The following APOB variants were observed in gnomAD, a reference collection of about 807,000 sequenced individuals.
APOB encodes apolipoprotein B.
In APOB, 153 loss-of-function variants were observed where a neutral mutation model predicts 314.1. That is an observed-to-expected ratio of 0.49 (90% confidence interval 0.43 to 0.56). The LOEUF is 0.56. Ranked by LOEUF, APOB falls within the 20% of genes least tolerant of loss-of-function variation. APOB has a pLI of 0.00. For missense variants in APOB, 5,430 were observed against 5,350.7 expected (o/e 1.01, Z -0.46); for synonymous variants, 2,087 against 2,036.4 (o/e 1.02, Z -0.67).
rs574693104 is a variant in APOB at position 21,031,206 on chromosome 2, T to C, written c.1352+1148A>G. Among the ~76,000 whole-genome samples the C allele has an allele frequency of 1.3e-3, 202 of 152,226 alleles. 1 individual carries two copies. Among genetic ancestry groups the C allele is most frequent in the Non-Finnish European group, 2.5e-3 (171 of 68,036 alleles). On this transcript the variant is annotated intron_variant, in intron 10 of 28. Coordinates refer to ENST00000233242, the MANE Select transcript of APOB (RefSeq NM_000384.3). The stretch of plus-strand genomic sequence containing the variant: ...AGCAAAGACATGGAATCAACCTAAG[T>C]GTCTATCAATGGACGATTGGATTAA...
In APOB at chr2:21,006,576, G is replaced by A; in HGVS notation, c.10292C>T (p.Ala3431Val). Residue 3431 changes from alanine (A) to valine (V), a missense_variant, in exon 26 of 29, where the codon GCC becomes GTC. Physicochemically the swap from Ala to Val is moderately conservative, Grantham distance 64. Transcript: ENST00000233242. ...ATTCATTCTCAAAATTGGAATTTGG[G>A]CTTTTGTGGTTGTTGCCACTGACAC... Reference protein sequence around the residue: ...MEVSVATTTKAQIPILRMNFK... With the variant: ...MEVSVATTTKVQIPILRMNFK... The A allele has an allele frequency of 1.9e-6, 3 of 1,613,992 alleles. No individual in the cohort carries two copies. The South Asian group carries it at 3.3e-5, about 18-fold the overall frequency.
chr2:21,031,521 G>A (rs996439431), intron 10 of APOB, among the ~76,000 whole-genome samples: 6 of 152,138 alleles, frequency 3.9e-5, no homozygotes, highest in African/African-American at 9.7e-5. Flanking sequence ...CTGGGTGATG[G>A]ATACCCTGAA....
rs751223868 is a variant in APOB, at chr2:21,028,487, T to C, written c.1669A>G (p.Lys557Glu). Residue 557 changes from lysine to glutamate, a missense_variant, in exon 13 of 29, where the codon AAG becomes GAG. Transcript: ENST00000233242. ...TFLDDASPGD[K>E]RLAAYLMLMR... ...AACATAAGATAGGCAGCCAGTCGCT[T>C]ATCTCCCGGAGAAGCATCATCAAGG... 6.2e-7 allele frequency: 1 copy of C among 1,614,052 alleles called. No homozygotes were observed. Among genetic ancestry groups the C allele is most frequent in the Non-Finnish European group, 8.5e-7 (1 of 1,180,032 alleles).
Position 21,029,507 on chromosome 2 carries a change from GGA to G in APOB, c.1617+130_1617+131del. 3 of 1,023,362 alleles carry G rather than the reference GGA, an allele frequency of 2.9e-6. No individual in the cohort carries two copies. In the South Asian group the frequency reaches 4.0e-5, roughly 14 times the overall value. The allele number at this position is 1,023,362 out of a possible 1,614,324, so 63.4% of individuals were successfully genotyped here. On this transcript the variant is annotated intron_variant, in intron 12 of 28. Transcript: ENST00000233242. ...AGGGAGGGAGGGAGGAAGGAAGGAA[GGA>G]AGGAAGGAAGGAAAGGAAAGAAACA...
rs1238895478 is a variant in APOB at position 21,010,898 on chromosome 2, ATTG to A, written c.5967_5969del (p.Asn1990del). 3 of 1,613,928 alleles carry A rather than the reference ATTG, an allele frequency of 1.9e-6. No homozygotes were observed. The highest frequency in any genetic ancestry group is 1.3e-5 in the African/African-American group (1 of 74,888). ...AAGCATCCAAGTCCTGGCTGTATTC[ATTG>A]TTGTTAAATTGGGTCTTGAGTTTCC... On this transcript the variant is annotated inframe_deletion, in exon 26 of 29. Transcript: ENST00000233242.
At chr2:21,029,515 G>A in intron 12 of APOB, 124 bp downstream of exon 12, 3 of 1,075,070 alleles carry the variant, frequency 2.8e-6, no homozygotes, top group Non-Finnish European at 4.2e-6. Flanking sequence ...AAGGAAGGAA[G>A]GAAGGAAAGG....
At position 21,006,284 on chromosome 2, in the gene APOB, A is replaced by T; in HGVS notation, c.10584T>A (p.Ser3528=). 1.9e-6 allele frequency: 3 copies of T among 1,614,072 alleles called. No individual in the cohort carries two copies. Among genetic ancestry groups the T allele is most frequent in the Non-Finnish European group, 2.5e-6 (3 of 1,179,974 alleles). ...TGGAAGTGCCCTGCAGCTTCACTGAAGACCGTGTGCTCTTGGAATTCAAGT... is the reference window on the plus strand; with the variant it reads ...TGGAAGTGCCCTGCAGCTTCACTGATGACCGTGTGCTCTTGGAATTCAAGT... The part of the protein sequence containing the change: ...NTYLNSKSTR[S]SVKLQGTSKI... The change falls in exon 26 of 29, where the codon TCT becomes TCA. Residue 3528 remains serine (S), a synonymous_variant. Transcript: ENST00000233242.
At chr2:21,017,293 T>C (rs1488866325) in intron 20 of APOB, among the ~76,000 whole-genome samples, 1 of 152,182 alleles carries the variant, frequency 6.6e-6, no homozygotes, top group Non-Finnish European at 1.5e-5. Context: ...CTTGCTTTCA[T>C]GGGGCTTACC....
intron 10 of APOB, among the ~76,000 whole-genome samples, chr2:21,030,367 A>G (rs1347242302): frequency 6.6e-6 from 1 of 152,204 alleles, no homozygotes; most frequent in Admixed American, 6.5e-5. Flanking sequence ...CACCCTTTTC[A>G]ATAAGTGGTG....
At chr2:21,040,909 T>G (rs760658043) in intron 4 of APOB, 29 bp downstream of exon 4, 2 of 1,613,078 alleles carry the variant, frequency 1.2e-6, no homozygotes, top group African/African-American at 1.3e-5. Flanking sequence ...CACACACACA[T>G]GCGTGTGCTC....
chr2:21,021,681 G>A (rs2103368943), intron 18 of APOB, among the ~76,000 whole-genome samples: 1 of 152,162 alleles, frequency 6.6e-6, no homozygotes, highest in East Asian at 1.9e-4. Context: ...CCTTTTGCCT[G>A]GAACACTCAC....
Position 21,034,902 on chromosome 2 carries a change from C to CT in APOB, c.819-2dup. The CT allele has an allele frequency of 6.6e-7, 1 of 1,522,016 alleles. No individual in the cohort carries two copies. Among genetic ancestry groups the CT allele is most frequent in the Non-Finnish European group, 9.1e-7 (1 of 1,096,000 alleles). The allele number at this position is 1,522,016 out of a possible 1,614,324, so 94.3% of individuals were successfully genotyped here. On this transcript the variant is annotated splice_acceptor_variant, in intron 7 of 28. Transcript: ENST00000233242. LOFTEE classifies it high-confidence loss of function. ...TTGTGCTACCATCCCATACTTATTC[C>CT]TGGTAACCAAGGAAGCACACCATGT...
intron 6 of APOB, among the ~76,000 whole-genome samples, chr2:21,036,377 C>T (rs1225460729): frequency 2.0e-5 from 3 of 152,206 alleles, no homozygotes; most frequent in Non-Finnish European, 4.4e-5. Context: ...GGTCATCAGA[C>T]TCCCTGTTTT....
chr2:21,009,187 G>T lies in APOB; in HGVS notation c.7681C>A (p.Leu2561Ile), dbSNP rs748303489. The change falls in exon 26 of 29, where the codon CTT becomes ATT. Residue 2561 changes from leucine to isoleucine, a missense_variant. Physicochemically the swap from Leu to Ile is conservative, Grantham distance 5. Transcript: ENST00000233242. ...SDWWTLAAKNLTDFAEQYSIQ... is the reference protein window; with the variant it reads ...SDWWTLAAKNITDFAEQYSIQ... ...GAATATTGCTCTGCAAAGTCAGTAA[G>T]GTTCTTAGCAGCAAGAGTCCACCAA... is the stretch of plus-strand genomic sequence containing the variant. 4 of 1,614,066 alleles carry T rather than the reference G, an allele frequency of 2.5e-6. No homozygotes were observed. Among genetic ancestry groups the T allele is most frequent in the Non-Finnish European group, 3.4e-6 (4 of 1,179,960 alleles).
intron 3 of APOB, 22 bp downstream of exon 3, chr2:21,042,339 C>T (rs761586603): frequency 1.3e-6 from 2 of 1,590,440 alleles, no homozygotes; most frequent in African/African-American, 2.7e-5. Flanking sequence ...CTCTAGGTCC[C>T]TCCTGCCTGC....
At chr2:21,020,524 T>A (rs1663581217) in intron 18 of APOB, among the ~76,000 whole-genome samples, 1 of 152,226 alleles carries the variant, frequency 6.6e-6, no homozygotes, top group African/African-American at 2.4e-5. Flanking sequence ...AATGGGCATA[T>A]TTAGGTTTCA....
In APOB at chr2:21,007,317, T is replaced by A. The variant is rs780210945; in HGVS notation, c.9551A>T (p.His3184Leu). 2 of 1,614,032 alleles carry A rather than the reference T, an allele frequency of 1.2e-6. No homozygotes were observed. The highest frequency in any genetic ancestry group is 1.7e-6 in the Non-Finnish European group (2 of 1,179,954). ...KAQYKKNKHR[H>L]SITNPLAVLC... ...CACAGCCAAAGGATTTGTGATGGAA[T>A]GCCTGTGTTTGTTTTTCTTATACTG... is the stretch of plus-strand genomic sequence containing the variant. The change falls in exon 26 of 29, where the codon CAT becomes CTT. Residue 3184 changes from histidine to leucine, a missense_variant. Physicochemically the swap from His to Leu is moderately conservative, Grantham distance 99. Transcript: ENST00000233242.
Position 21,009,396 on chromosome 2 carries a change from A to C in APOB, c.7472T>G (p.Leu2491Ter). The change falls in exon 26 of 29, where the codon TTA becomes TGA. Residue 2491 changes from leucine to a stop codon, truncating the protein, a stop_gained. Transcript: ENST00000233242. LOFTEE classifies it high-confidence loss of function. The part of the protein sequence containing the change: ...LESLQDTKIT[L>*]IINWLQEALS... ...AGCCTCCTGTAACCAATTGATGATT[A>C]AGGTTATTTTGGTGTCCTGTAGGCT... 1 of 1,614,102 alleles carries C rather than the reference A, an allele frequency of 6.2e-7. No individual in the cohort carries two copies. The highest frequency in any genetic ancestry group is 8.5e-7 in the Non-Finnish European group (1 of 1,179,974).
At chr2:21,043,721 G>T in intron 1 of APOB, 143 bp downstream of exon 1, 1 of 1,506,372 alleles carries the variant, frequency 6.6e-7, no homozygotes, top group Non-Finnish European at 8.9e-7. Context: ...GCCTGCAGGG[G>T]CCGCCAGCTG....
Sources: allele counts gnomAD v4.1 joint callset (sites outside exome capture counted in the v4.1 genomes callset), GRCh38; gene constraint gnomAD v4.1.1; transcripts MANE v1.5; gene names NCBI Gene and HGNC (gene_info 2026-07-23, HGNC 2026-07-21).